ALDH8A1: variants seen among roughly 807,000 people sequenced by gnomAD.
ALDH8A1 encodes aldehyde dehydrogenase 8 family member A1, also known as 2-aminomuconic semialdehyde dehydrogenase.
ALDH8A1 carries 39 observed loss-of-function variants against 43.3 expected under a neutral mutation model. That is an observed-to-expected ratio of 0.90 (90% confidence interval 0.70 to 1.18). ALDH8A1 has a LOEUF of 1.18. Ranked by LOEUF, ALDH8A1 falls within the 50% of genes most tolerant of loss-of-function variation. ALDH8A1 has a pLI of 0.00. For missense variants in ALDH8A1, 605 were observed against 622.6 expected, an observed-to-expected ratio of 0.97 and a Z score of 0.30; for synonymous variants, 233 against 243.5, an observed-to-expected ratio of 0.96 and a Z score of 0.40.
chr6:134,928,529 C>G lies in ALDH8A1; in HGVS notation c.1011+525G>C, dbSNP rs749299785. On this transcript the variant is annotated intron_variant, in intron 6 of 6. Coordinates refer to ENST00000265605, the MANE Select transcript of ALDH8A1 (RefSeq NM_022568.4). ...AATTAAAATAACCCTAAATTGCCAT[C>G]AAGGGCCAGATCTTCTCTTTTTGAA... Among the ~76,000 whole-genome samples, 52 of 152,226 alleles carry G rather than the reference C, an allele frequency of 3.4e-4. 1 individual carries two copies. The highest frequency in any genetic ancestry group is 1.5e-5 in the Non-Finnish European group (1 of 68,042).
At chr6:134,939,235 T>C (rs1195315857) in intron 4 of ALDH8A1, 31 bp downstream of exon 4, 1 of 1,610,226 alleles carries the variant, frequency 6.2e-7, no homozygotes, top group African/African-American at 1.3e-5. Flanking sequence ...TCCAACTCTG[T>C]GCCTGCCCCC....
chr6:134,936,339 T>C (rs1269218794), intron 4 of ALDH8A1, among the ~76,000 whole-genome samples: 1 of 152,214 alleles, frequency 6.6e-6, no homozygotes, highest in Admixed American at 6.5e-5. Context: ...TGTAGGTCAC[T>C]GTCAGAGGAG....
At chr6:134,944,388 C>T (rs1237119176) in intron 1 of ALDH8A1, among the ~76,000 whole-genome samples, 1 of 152,046 alleles carries the variant, frequency 6.6e-6, no homozygotes, top group African/African-American at 2.4e-5. Flanking sequence ...TTTGAATATT[C>T]AACATGTCCC....
At chr6:134,931,969 A>G (rs1198744481) in intron 5 of ALDH8A1, among the ~76,000 whole-genome samples, 1 of 152,146 alleles carries the variant, frequency 6.6e-6, no homozygotes, top group Non-Finnish European at 1.5e-5. Flanking sequence ...GACATCTCTC[A>G]TTTCACTGCT....
Position 134,943,133 on chromosome 6 carries a change from G to C in ALDH8A1, c.287-569C>G, listed in dbSNP as rs923346727. ...AGAAAGAGAAACAGAAGCTTACCTA[G>C]ACTGCTACTGAGTTCTCTTTAGCGA... On this transcript the variant is annotated intron_variant, in intron 2 of 6. Transcript: ENST00000265605. 9.9e-5 allele frequency among the ~76,000 whole-genome samples: 15 copies of C among 152,282 alleles called. 2 individuals carry two copies. Among genetic ancestry groups the C allele is most frequent in the Admixed American group, 2.6e-4 (4 of 15,294 alleles).
chr6:134,918,229 A>C lies in ALDH8A1; in HGVS notation c.*186T>G, dbSNP rs1056188391. ...CTTATAAGTCTTTTTTTCCGAGTCCACATTGAAAATAGACAGTATCTCTTC... is the reference window on the plus strand; with the variant it reads ...CTTATAAGTCTTTTTTTCCGAGTCCCCATTGAAAATAGACAGTATCTCTTC... On this transcript the variant is annotated 3_prime_UTR_variant, in exon 7 of 7. Coordinates refer to ENST00000265605, the MANE Select transcript of ALDH8A1 (RefSeq NM_022568.4). The C allele has an allele frequency of 1.7e-6, 1 of 598,966 alleles. No homozygotes were observed. Among genetic ancestry groups the C allele is most frequent in the African/African-American group, 1.8e-5 (1 of 54,082 alleles). 37.1% of individuals were successfully genotyped at this position (598,966 alleles called of 1,614,324 possible). A position where few individuals can be genotyped will look rare whatever the true frequency, so the allele number is the denominator to read the frequency against.
intron 3 of ALDH8A1, among the ~76,000 whole-genome samples, chr6:134,941,860 T>C (rs1773861264): frequency 6.6e-6 from 1 of 151,602 alleles, no homozygotes; most frequent in Admixed American, 6.6e-5. Context: ...GAAAAAAAAA[T>C]CCTGGCATGT....
At chr6:134,947,495 A>G (rs537939524) in intron 1 of ALDH8A1, among the ~76,000 whole-genome samples, 1 of 152,268 alleles carries the variant, frequency 6.6e-6, no homozygotes, top group South Asian at 2.1e-4. Context: ...GGGATTAATA[A>G]CCAGAATATA....
At chr6:134,924,403 T>C (rs1776852963) in intron 6 of ALDH8A1, among the ~76,000 whole-genome samples, 1 of 152,214 alleles carries the variant, frequency 6.6e-6, no homozygotes, top group African/African-American at 2.4e-5. Context: ...ACAGTAACTG[T>C]CCACTCAACC....
intron 1 of ALDH8A1, among the ~76,000 whole-genome samples, chr6:134,946,312 G>A (rs1025207113): frequency 2.0e-5 from 3 of 152,176 alleles, no homozygotes; most frequent in African/African-American, 7.2e-5. Flanking sequence ...ACCACCAGCT[G>A]CAGCCATGAG....
intron 4 of ALDH8A1, among the ~76,000 whole-genome samples, chr6:134,937,421 A>G (rs1773760808): frequency 6.6e-6 from 1 of 152,160 alleles, no homozygotes; most frequent in Admixed American, 6.5e-5. Context: ...GACCCCCTCT[A>G]TATTTGTCAG....
At position 134,927,439 on chromosome 6, in the gene ALDH8A1, C is replaced by T. The variant is rs899066711; in HGVS notation, c.1011+1615G>A. On this transcript the variant is annotated intron_variant, in intron 6 of 6. Coordinates refer to ENST00000265605, the MANE Select transcript of ALDH8A1 (RefSeq NM_022568.4). ...ATATTTAGAGTATCACAGAGAAAAGCCATAGCTACCAATATGAGTCAAAGT... is the reference window on the plus strand; with the variant it reads ...ATATTTAGAGTATCACAGAGAAAAGTCATAGCTACCAATATGAGTCAAAGT... 2.6e-5 allele frequency among the ~76,000 whole-genome samples: 4 copies of T among 152,012 alleles called. No homozygotes were observed. The East Asian group carries it at 5.8e-4, about 22-fold the overall frequency.
chr6:134,929,376 T>C (rs893818682), intron 5 of ALDH8A1, among the ~76,000 whole-genome samples, 161 bp from the exon 6 acceptor site: 1 of 152,152 alleles, frequency 6.6e-6, no homozygotes, highest in Non-Finnish European at 1.5e-5. Context: ...CATAGTCTTG[T>C]GGGAAAGACA....
intron 2 of ALDH8A1, 98 bp downstream of exon 2, chr6:134,943,721 G>A: frequency 1.3e-6 from 2 of 1,491,582 alleles, no homozygotes; most frequent in Non-Finnish European, 1.8e-6. Context: ...ATTGCCAGAG[G>A]AGCAGGCACA....
In ALDH8A1 at chr6:134,949,975, A is replaced by T. The variant is rs759731457; in HGVS notation, c.79T>A (p.Ser27Thr). 2 of 1,613,116 alleles carry T rather than the reference A, an allele frequency of 1.2e-6. No individual in the cohort carries two copies. Among genetic ancestry groups the T allele is most frequent in the South Asian group, 2.2e-5 (2 of 90,708 alleles). ...KFLPCSSYID[S>T]YDPSTGEVYC... ...ACTTCCCCTGTTGATGGGTCGTAAG[A>T]ATCTATATATGAGCTACAAGGTAAA... The change falls in exon 1 of 7, where the codon TCT (serine) becomes ACT (threonine). Residue 27 changes from serine to threonine, a missense_variant. By Grantham distance (58) the Ser-to-Thr change is moderately conservative. Transcript: ENST00000265605.
chr6:134,942,886 G>A (rs146363442), intron 2 of ALDH8A1, among the ~76,000 whole-genome samples: 139 of 152,280 alleles, frequency 9.1e-4, no homozygotes, highest in Middle Eastern at 3.4e-3. Flanking sequence ...AAATCACCAG[G>A]CTTTGTACCT....
intron 5 of ALDH8A1, among the ~76,000 whole-genome samples, chr6:134,931,518 G>A (rs1022635011): frequency 3.9e-5 from 6 of 152,012 alleles, no homozygotes; most frequent in African/African-American, 7.2e-5. Flanking sequence ...CACCCACCTC[G>A]GCCTCCCAAA....
At chr6:134,919,510 G>T (rs993177734) in intron 6 of ALDH8A1, among the ~76,000 whole-genome samples, 9 of 152,058 alleles carry the variant, frequency 5.9e-5, no homozygotes, top group African/African-American at 1.9e-4. Flanking sequence ...AAATTATGTA[G>T]CTAGTTAACT....
intron 5 of ALDH8A1, among the ~76,000 whole-genome samples, chr6:134,930,389 T>G (rs1356802108): frequency 6.6e-6 from 1 of 152,216 alleles, no homozygotes; most frequent in Non-Finnish European, 1.5e-5. Flanking sequence ...CCCTATCATT[T>G]GAACATAGCA....
Sources: gnomAD v4.1 joint callset for allele counts (sites outside exome capture counted in the v4.1 genomes callset) on GRCh38, gnomAD v4.1.1 for gene constraint, MANE v1.5 for transcripts, NCBI Gene and HGNC (gene_info 2026-07-23, HGNC 2026-07-21) for gene names.